ITPR1: variants seen among roughly 807,000 people sequenced by gnomAD.
ITPR1 encodes inositol 1,4,5-trisphosphate receptor type 1.
In ITPR1, 96 loss-of-function variants were observed where a neutral mutation model predicts 318.4. The ratio of observed to expected loss-of-function variants is 0.30; its 90% CI spans 0.26 to 0.36. ITPR1 has a LOEUF of 0.36. Ranked by LOEUF, ITPR1 falls within the 10% of genes least tolerant of loss-of-function variation. The probability of loss-of-function intolerance (pLI) is 1.00; values close to 1 mark genes in which losing one functional copy is unlikely to be tolerated. For missense variants in ITPR1, 2,440 were observed against 3,460.2 expected, an observed-to-expected ratio of 0.71 and a Z score of 7.40; for synonymous variants, 1,312 against 1,289.9, an observed-to-expected ratio of 1.02 and a Z score of -0.37.
intron 36 of ITPR1, 42 bp downstream of exon 36, chr3:4,702,992 A>C (rs1484666915): frequency 6.9e-6 from 11 of 1,596,504 alleles, no homozygotes; most frequent in Non-Finnish European, 9.4e-6. Context: ...ATGAAAATGA[A>C]TTGTCTGACA....
At chr3:4,571,166 G>T (rs866068615) in intron 4 of ITPR1, among the ~76,000 whole-genome samples, 1 of 152,172 alleles carries the variant, frequency 6.6e-6, no homozygotes, top group Non-Finnish European at 1.5e-5. Context: ...GGCAGAGCCG[G>T]CCTGCCCACC....
In ITPR1 at chr3:4,703,108, G is replaced by A. The variant is rs1193456302; in HGVS notation, c.4657+158G>A. 2.0e-5 allele frequency among the ~76,000 whole-genome samples: 3 copies of A among 152,108 alleles called. No homozygotes were observed. The East Asian group carries it at 5.8e-4, about 29-fold the overall frequency. On this transcript the variant is annotated intron_variant, in intron 36 of 61. Transcript: ENST00000649015. ...GAACCAAGGTCTTCTTGATTGCTGG[G>A]CTTCTTTTTTTATCTACCAAGCCAG...
rs376114311 is a variant in ITPR1, at chr3:4,550,900, GAAAGA to G, written c.163+29814_163+29818del. Among the ~76,000 whole-genome samples, 511 of 151,224 alleles carry G rather than the reference GAAAGA, an allele frequency of 3.4e-3. 5 individuals are homozygous for G. The highest frequency in any genetic ancestry group is 0.012 in the African/African-American group (494 of 41,256). Reference sequence around the variant, plus strand: ...GACCCTGTCTTTAAAAAAAAAAAAAGAAAGAAAAGAAACACTAACTTGTTGAAGAT... The same window carrying G: ...GACCCTGTCTTTAAAAAAAAAAAAAGAAAGAAACACTAACTTGTTGAAGAT... On this transcript the variant is annotated intron_variant, in intron 4 of 61. Coordinates refer to ENST00000649015, the MANE Select transcript of ITPR1 (RefSeq NM_001378452.1).
chr3:4,641,992 G>T (rs1377041306), intron 6 of ITPR1, 101 bp from the exon 7 acceptor site: 1 of 909,400 alleles, frequency 1.1e-6, no homozygotes, highest in Non-Finnish European at 1.6e-6. Context: ...CAGCTCAATG[G>T]TGGGAGGAAT....
intron 60 of ITPR1, among the ~76,000 whole-genome samples, chr3:4,819,328 G>A (rs140090930): frequency 6.6e-6 from 1 of 152,306 alleles, no homozygotes; most frequent in African/African-American, 2.4e-5. Flanking sequence ...GTACCCTTGA[G>A]GTCCTTAGAG....
At position 4,846,356 on chromosome 3, in the gene ITPR1, G is replaced by A. The variant is rs577032664; in HGVS notation, c.*131G>A. On this transcript the variant is annotated 3_prime_UTR_variant, in exon 62 of 62. Coordinates refer to ENST00000649015, the MANE Select transcript of ITPR1 (RefSeq NM_001378452.1). ...ATTTGTAAATACTCAGTTTTATACT[G>A]TATGTATATGATTGCTACTCTAAAG... 1 of 518,038 alleles carries A rather than the reference G, an allele frequency of 1.9e-6. No homozygotes were observed. The highest frequency in any genetic ancestry group is 1.9e-5 in the African/African-American group (1 of 51,378). The allele number at this position is 518,038 out of a possible 1,614,324, so 32.1% of individuals were successfully genotyped here.
intron 52 of ITPR1, among the ~76,000 whole-genome samples, chr3:4,794,367 C>CCT (rs1017103248): frequency 6.6e-6 from 1 of 152,202 alleles, no homozygotes; most frequent in Non-Finnish European, 1.5e-5. Context: ...GCTGCCACAT[C>CCT]CTCTCTCTGC....
At chr3:4,783,780 A>T in intron 50 of ITPR1, 36 bp from the exon 51 acceptor site, 1 of 1,467,140 alleles carries the variant, frequency 6.8e-7, no homozygotes, top group Non-Finnish European at 9.4e-7. Flanking sequence ...TTGTGAAGAG[A>T]CACCAACCTC....
chr3:4,579,872 C>T (rs1260495514), intron 4 of ITPR1, among the ~76,000 whole-genome samples: 1 of 152,046 alleles, frequency 6.6e-6, no homozygotes, highest in East Asian at 1.9e-4. Context: ...CTGTATTGCA[C>T]AATTAGATCT....
chr3:4,815,758 A>G (rs2049253098), intron 59 of ITPR1, among the ~76,000 whole-genome samples: 1 of 152,198 alleles, frequency 6.6e-6, no homozygotes, highest in African/African-American at 2.4e-5. Context: ...ATTATTCATA[A>G]TATAGCTACT....
At chr3:4,604,763 T>TC (rs1450645065) in intron 4 of ITPR1, among the ~76,000 whole-genome samples, 1 of 151,888 alleles carries the variant, frequency 6.6e-6, no homozygotes, top group African/African-American at 2.4e-5. Context: ...TAGAGATCTT[T>TC]CCCCCTGAAG....
intron 4 of ITPR1, among the ~76,000 whole-genome samples, chr3:4,527,208 A>G (rs547959545): frequency 6.6e-6 from 1 of 152,184 alleles, no homozygotes; most frequent in East Asian, 1.9e-4. Flanking sequence ...ACAAGGTCTC[A>G]CTCTGTTGCC....
intron 4 of ITPR1, among the ~76,000 whole-genome samples, chr3:4,612,413 C>T (rs1325526445): frequency 1.3e-5 from 2 of 152,098 alleles, no homozygotes; most frequent in Admixed American, 6.5e-5. Context: ...CAAGGGGTGT[C>T]CTGGGCCCAA....
At chr3:4,711,263 T>C (rs1412624610) in intron 38 of ITPR1, among the ~76,000 whole-genome samples, 2 of 151,734 alleles carry the variant, frequency 1.3e-5, no homozygotes, top group African/African-American at 4.8e-5. Context: ...ATTAGTTGTT[T>C]GTTTAGCTTG....
At chr3:4,588,507 ACTCT>A (rs578187921) in intron 4 of ITPR1, among the ~76,000 whole-genome samples, 58 of 150,562 alleles carry the variant, frequency 3.9e-4, no homozygotes, top group Non-Finnish European at 7.7e-4. Flanking sequence ...GATCTCCCTG[ACTCT>A]CTCTTCCGCT....
intron 52 of ITPR1, among the ~76,000 whole-genome samples, chr3:4,791,026 G>C (rs1441578139): frequency 6.6e-6 from 1 of 152,202 alleles, no homozygotes; most frequent in Non-Finnish European, 1.5e-5. Context: ...ACACTTTCTT[G>C]CATGAGGTTT....
At chr3:4,767,429 C>G (rs1177112049) in intron 45 of ITPR1, among the ~76,000 whole-genome samples, 3 of 152,240 alleles carry the variant, frequency 2.0e-5, no homozygotes, top group African/African-American at 7.2e-5. Flanking sequence ...CTGAGAACAG[C>G]TGGTCTAGAC....
intron 4 of ITPR1, among the ~76,000 whole-genome samples, chr3:4,620,270 G>C (rs2092575889): frequency 6.6e-6 from 1 of 152,124 alleles, no homozygotes; most frequent in South Asian, 2.1e-4. Context: ...TGCCTTCGTT[G>C]TACATGGTAC....
chr3:4,692,898 A>C (rs2094501138), intron 32 of ITPR1, among the ~76,000 whole-genome samples: 1 of 152,208 alleles, frequency 6.6e-6, no homozygotes, highest in South Asian at 2.1e-4. Context: ...AGTTGGGTGG[A>C]TCATCTGAGG....
Sources: gnomAD v4.1 joint callset for allele counts (sites outside exome capture counted in the v4.1 genomes callset) on GRCh38, gnomAD v4.1.1 for gene constraint, MANE v1.5 for transcripts, NCBI Gene and HGNC (gene_info 2026-07-23, HGNC 2026-07-21) for gene names.